BEND6: variants seen among roughly 807,000 people sequenced by gnomAD.
The protein encoded by BEND6 is BEN domain containing 6, also known as BEN domain-containing protein 6.
Under a neutral mutation model 31.8 loss-of-function variants are expected in BEND6, and 24 were observed. The observed-to-expected ratio is 0.75, with a 90% CI of 0.55 to 1.06. BEND6 has a LOEUF of 1.06. Ranked by LOEUF, BEND6 falls within the 50% of genes least tolerant of loss-of-function variation. BEND6 has a pLI of 0.00. For synonymous variants in BEND6, 109 were observed against 114.6 expected, an observed-to-expected ratio of 0.95 and a Z score of 0.31; for missense variants, 294 against 327.4, an observed-to-expected ratio of 0.90 and a Z score of 0.79.
At chr6:56,985,457 T>C (rs1183431777) in intron 2 of BEND6, among the ~76,000 whole-genome samples, 2 of 152,160 alleles carry the variant, frequency 1.3e-5, no homozygotes, top group Non-Finnish European at 2.9e-5. Context: ...AGGTCTAAGA[T>C]GACTGCCCTC....
chr6:56,962,949 C>G (rs1433183407), intron 1 of BEND6, among the ~76,000 whole-genome samples: 3 of 152,186 alleles, frequency 2.0e-5, no homozygotes, highest in African/African-American at 7.2e-5. Context: ...CTGCTAAATG[C>G]TTTACGTGCA....
chr6:57,012,188 C>T (rs1827370417), intron 3 of BEND6, among the ~76,000 whole-genome samples: 1 of 151,808 alleles, frequency 6.6e-6, no homozygotes, highest in Non-Finnish European at 1.5e-5. Flanking sequence ...GGAAAATAGC[C>T]CATCGACAGG....
intron 3 of BEND6, among the ~76,000 whole-genome samples, chr6:56,993,134 AGG>A (rs1826571770): frequency 6.6e-6 from 1 of 152,254 alleles, no homozygotes; most frequent in Non-Finnish European, 1.5e-5. Flanking sequence ...AAATGAAAAA[AGG>A]AGAAAGACAG....
intron 5 of BEND6, among the ~76,000 whole-genome samples, 159 bp from the exon 6 acceptor site, chr6:57,018,262 A>G (rs533025410): frequency 4.8e-4 from 73 of 152,298 alleles, no homozygotes; most frequent in African/African-American, 1.2e-3. Context: ...AAACCTGCCT[A>G]TATATTCATC....
intron 1 of BEND6, among the ~76,000 whole-genome samples, chr6:56,973,797 C>G (rs1592977050): frequency 6.6e-6 from 1 of 152,184 alleles, no homozygotes; most frequent in Non-Finnish European, 1.5e-5. Flanking sequence ...TTCTGCCACC[C>G]AGGCTGGAGT....
chr6:57,020,610 G>A (rs543174867), intron 6 of BEND6, among the ~76,000 whole-genome samples: 123 of 151,720 alleles, frequency 8.1e-4, no homozygotes, highest in African/African-American at 2.8e-3. Context: ...TAGTAGAGAC[G>A]GGGGTTTCAC....
At chr6:57,020,134 T>C (rs1213023488) in intron 6 of BEND6, among the ~76,000 whole-genome samples, 2 of 152,192 alleles carry the variant, frequency 1.3e-5, no homozygotes, top group Admixed American at 1.3e-4. Flanking sequence ...ATCTTTTTTC[T>C]CCAAGTGATT....
chr6:57,019,485 C>T (rs1453737830), intron 6 of BEND6, among the ~76,000 whole-genome samples: 1 of 152,176 alleles, frequency 6.6e-6, no homozygotes, highest in Admixed American at 6.5e-5. Flanking sequence ...CTGTCTTCTG[C>T]CTAATACCAG....
At chr6:56,962,552 A>C (rs1360154365) in intron 1 of BEND6, among the ~76,000 whole-genome samples, 2 of 152,342 alleles carry the variant, frequency 1.3e-5, no homozygotes, top group South Asian at 2.1e-4. Flanking sequence ...ACACAGAAAC[A>C]GACCTTGGAT....
chr6:57,018,698 A>C, intron 6 of BEND6, 141 bp downstream of exon 6: 1 of 896,664 alleles, frequency 1.1e-6, no homozygotes, highest in Non-Finnish European at 1.5e-6. Context: ...TCCTGGTGGC[A>C]AAAGGGGAGA....
At chr6:57,017,474 A>G in intron 5 of BEND6, 75 bp downstream of exon 5, 1 of 1,127,736 alleles carries the variant, frequency 8.9e-7, no homozygotes, top group African/African-American at 1.6e-5. Context: ...ATAGTCTTTC[A>G]TGGTCCTTTT....
Position 57,026,662 on chromosome 6 carries a change from TAAA to T in BEND6, c.*593_*595del, listed in dbSNP as rs1311102644. 1.3e-5 allele frequency: 2 copies of T among 152,212 alleles called. No individual in the cohort carries two copies. Among genetic ancestry groups the T allele is most frequent in the Non-Finnish European group, 2.9e-5 (2 of 68,026 alleles). 9.4% of individuals were successfully genotyped at this position (152,212 alleles called of 1,614,324 possible). A position where few individuals can be genotyped will look rare whatever the true frequency, so the allele number is the denominator to read the frequency against. On this transcript the variant is annotated 3_prime_UTR_variant, in exon 7 of 7. Coordinates refer to ENST00000370746, the MANE Select transcript of BEND6 (RefSeq NM_152731.3). ...AAAATTACAGGATTATTCTGTTATC[TAAA>T]AATGTATAAAATGGGAATATGAAAA... is the stretch of plus-strand genomic sequence containing the variant.
intron 1 of BEND6, among the ~76,000 whole-genome samples, chr6:56,958,607 G>A (rs565964591): frequency 6.6e-6 from 1 of 152,282 alleles, no homozygotes; most frequent in South Asian, 2.1e-4. Context: ...AAAACAGATA[G>A]GGAGTCATCA....
At chr6:57,020,414 C>T (rs1827701244) in intron 6 of BEND6, among the ~76,000 whole-genome samples, 1 of 151,708 alleles carries the variant, frequency 6.6e-6, no homozygotes, top group Non-Finnish European at 1.5e-5. Context: ...AGTTCCTTGT[C>T]TTTTCTTTTT....
At chr6:56,996,340 G>A (rs372493740) in intron 3 of BEND6, among the ~76,000 whole-genome samples, 4 of 152,156 alleles carry the variant, frequency 2.6e-5, no homozygotes, top group African/African-American at 4.8e-5. Context: ...CCAGCTACCC[G>A]GGAGGCTGAG....
intron 1 of BEND6, among the ~76,000 whole-genome samples, chr6:56,958,978 G>T (rs1825193753): frequency 1.3e-5 from 2 of 152,180 alleles, no homozygotes; most frequent in Non-Finnish European, 2.9e-5. Flanking sequence ...ACTCTAAAGG[G>T]GATGAGTAGA....
At chr6:57,004,501 G>A (rs988594723) in intron 3 of BEND6, 3 of 688,248 alleles carry the variant, frequency 4.4e-6, no homozygotes, top group East Asian at 2.8e-5. Context: ...GGCCTCTGCC[G>A]CTCCAGCTCC....
intron 4 of BEND6, 47 bp downstream of exon 4, chr6:57,015,400 A>T (rs1827515197): frequency 2.7e-6 from 4 of 1,475,610 alleles, no homozygotes. Flanking sequence ...ATGCTTAAAT[A>T]AAAAATTTAA....
chr6:56,975,207 C>T (rs1825830128), intron 1 of BEND6, among the ~76,000 whole-genome samples: 1 of 152,122 alleles, frequency 6.6e-6, no homozygotes, highest in Non-Finnish European at 1.5e-5. Context: ...CCTATGGAAT[C>T]TTGCTTCCTG....
Sources: allele counts gnomAD v4.1 joint callset (sites outside exome capture counted in the v4.1 genomes callset), GRCh38; gene constraint gnomAD v4.1.1; transcripts MANE v1.5; gene names NCBI Gene and HGNC (gene_info 2026-07-23, HGNC 2026-07-21).